The following SPG11 variants were observed in gnomAD, a reference collection of about 807,000 sequenced individuals.
SPG11 encodes SPG11 vesicle trafficking associated, spatacsin.
In SPG11, 222 loss-of-function variants were observed where a neutral mutation model predicts 274.0. The observed-to-expected ratio is 0.81, with a 90% confidence interval of 0.73 to 0.91. The LOEUF is 0.91. SPG11 is among the 40% of genes least tolerant of loss of function. The pLI is 0.00. For missense variants in SPG11, 3,114 were observed against 2,872.7 expected, an observed-to-expected ratio of 1.08 and a Z score of -1.92; for synonymous variants, 1,144 against 1,039.7, an observed-to-expected ratio of 1.10 and a Z score of -1.93.
chr15:44,654,390 C>T (rs377530545), intron 4 of SPG11, among the ~76,000 whole-genome samples: 20 of 152,254 alleles, frequency 1.3e-4, no homozygotes, highest in African/African-American at 4.3e-4. Flanking sequence ...TGCCTATAAT[C>T]CCAGCTACTT....
intron 30 of SPG11, among the ~76,000 whole-genome samples, chr15:44,575,783 C>T (rs968084740): frequency 1.3e-5 from 2 of 152,210 alleles, no homozygotes; most frequent in South Asian, 4.1e-4. Flanking sequence ...GCATGGGCCA[C>T]TGCACCCACC....
intron 7 of SPG11, 28 bp downstream of exon 7, chr15:44,648,838 A>C (rs1405452912): frequency 6.2e-7 from 1 of 1,608,700 alleles, no homozygotes; most frequent in African/African-American, 1.3e-5. Context: ...ATAATTAAGT[A>C]ATGTTCTTGG....
intron 18 of SPG11, among the ~76,000 whole-genome samples, chr15:44,609,138 C>CT (rs1014200465): frequency 2.6e-4 from 39 of 149,010 alleles, no homozygotes; most frequent in South Asian, 8.5e-4. Context: ...AAACAACATT[C>CT]TTTTTTTTTT....
At chr15:44,585,140 A>G (rs930129603) in intron 29 of SPG11, among the ~76,000 whole-genome samples, 1 of 152,132 alleles carries the variant, frequency 6.6e-6, no homozygotes, top group Admixed American at 6.6e-5. Context: ...TTTGCAGCAC[A>G]CATTTCTCAA....
Position 44,595,346 on chromosome 15 carries a change from G to A in SPG11, c.4548C>T (p.Asn1516=), listed in dbSNP as rs759489082. Residue 1516 remains asparagine, a synonymous_variant, in exon 26 of 40, where the codon AAC becomes AAT. Coordinates refer to ENST00000261866, the MANE Select transcript of SPG11 (RefSeq NM_025137.4). ...TCCAGATGACTGAAAGATCCTCAAG[G>A]TTCCAGGTATGGTCCTCTGTTGAGT... ...IQDSTEDHTW[N]LEDLSVIWRT... The A allele has an allele frequency of 1.7e-5, 27 of 1,614,212 alleles. No homozygotes were observed. The highest frequency in any genetic ancestry group is 1.8e-5 in the Non-Finnish European group (21 of 1,180,034).
At chr15:44,617,459 G>A (rs1227705756) in intron 15 of SPG11, among the ~76,000 whole-genome samples, 1 of 152,066 alleles carries the variant, frequency 6.6e-6, no homozygotes, top group Non-Finnish European at 1.5e-5. Flanking sequence ...AGTTATTCTA[G>A]CCCCATTGTC....
intron 7 of SPG11, among the ~76,000 whole-genome samples, chr15:44,645,841 AAAG>A (rs1233411601): frequency 2.0e-5 from 3 of 152,240 alleles, no homozygotes; most frequent in Non-Finnish European, 4.4e-5. Context: ...TCTCTTTTCA[AAAG>A]AAGACATACA....
rs772686591 is a variant in SPG11 at position 44,657,345 on chromosome 15, C to CT, written c.668-50dup. 95 of 1,543,292 alleles carry CT rather than the reference C, an allele frequency of 6.2e-5. 2 individuals are homozygous for CT. In the East Asian group the frequency reaches 2.0e-3, roughly 33 times the overall value. ...ATGCCAGTTTTGTAAGTATGCCTAA[C>CT]TATTTAAAGCACAGGTTGGGAAAGA... On this transcript the variant is annotated intron_variant, in intron 3 of 39. Transcript: ENST00000261866.
At chr15:44,572,977 G>GTT (rs2082454299) in intron 32 of SPG11, among the ~76,000 whole-genome samples, 157 bp from the exon 33 acceptor site, 1 of 134,136 alleles carries the variant, frequency 7.5e-6, no homozygotes, top group African/African-American at 2.8e-5. Context: ...TAGGACAGGA[G>GTT]TTCTTTTTTT....
At chr15:44,654,512 T>G (rs2084879511) in intron 4 of SPG11, among the ~76,000 whole-genome samples, 1 of 147,960 alleles carries the variant, frequency 6.8e-6, no homozygotes, top group African/African-American at 2.5e-5. Flanking sequence ...CATCTCAAAA[T>G]TAAAAAAAAA....
chr15:44,658,894 A>C (rs1308179120), intron 3 of SPG11, among the ~76,000 whole-genome samples, 185 bp downstream of exon 3: 1 of 152,234 alleles, frequency 6.6e-6, no homozygotes, highest in Non-Finnish European at 1.5e-5. Context: ...TATTCAACTA[A>C]AATATAAAGC....
chr15:44,610,929 T>A lies in SPG11; in HGVS notation c.3202A>T (p.Asn1068Tyr). 6.2e-7 allele frequency: 1 copy of A among 1,613,844 alleles called. No homozygotes were observed. The highest frequency in any genetic ancestry group is 8.5e-7 in the Non-Finnish European group (1 of 1,179,934). Residue 1068 changes from asparagine (N) to tyrosine (Y), a missense_variant, in exon 18 of 40, where the codon AAT becomes TAT. Asn to Tyr is a moderately radical substitution (Grantham distance 143). Coordinates refer to ENST00000261866, the MANE Select transcript of SPG11 (RefSeq NM_025137.4). ...LANAQILIPT[N>Y]QASVSSMLLE... ...AGCATACTGCTTACACTGGCCTGAT[T>A]GGTGGGAATCAAAATCTGAGCATTT...
rs142097614 is a variant in SPG11, at chr15:44,660,497, T to C, written c.377A>G (p.Asp126Gly). The C allele has an allele frequency of 2.1e-5, 34 of 1,614,180 alleles. No individual in the cohort carries two copies. In the African/African-American group the frequency reaches 3.5e-4, roughly 16 times the overall value. Residue 126 changes from aspartate (D) to glycine (G), a missense_variant, in exon 2 of 40, where the codon GAT (aspartate) becomes GGT (glycine). Transcript: ENST00000261866. ...ACTACAGCTATACAAAATGGTTGCA[T>C]CACATCTTCCATCTTTCAAATTAAA... ...YEFNLKDGRCDATILYSCSRE... is the reference protein window; with the variant it reads ...YEFNLKDGRCGATILYSCSRE...
rs562692344 is a variant in SPG11, at chr15:44,574,890, C to G, written c.6006+12G>C. 5.6e-5 allele frequency: 91 copies of G among 1,613,664 alleles called. No individual in the cohort carries two copies. In the South Asian group the frequency reaches 9.3e-4, roughly 17 times the overall value. Reference sequence around the variant, plus strand: ...CCTCTCAGAAAGAGGAGCCCCACCCCTTGGCACATACCTTGGCAAGATCAT... The same window carrying G: ...CCTCTCAGAAAGAGGAGCCCCACCCGTTGGCACATACCTTGGCAAGATCAT... On this transcript the variant is annotated intron_variant, in intron 31 of 39. Transcript: ENST00000261866.
intron 7 of SPG11, among the ~76,000 whole-genome samples, chr15:44,644,497 T>A (rs552501780): frequency 2.0e-5 from 3 of 152,154 alleles, no homozygotes; most frequent in Non-Finnish European, 4.4e-5. Context: ...GGAAGCACTC[T>A]CTGTGAGAAC....
At chr15:44,588,548 A>T (rs1382406734) in intron 28 of SPG11, 1 of 251,662 alleles carries the variant, frequency 4.0e-6, no homozygotes, top group Non-Finnish European at 8.2e-6. Context: ...TAAGATAGTT[A>T]TAGGAAATAA....
chr15:44,587,498 G>C (rs1327367796), intron 28 of SPG11, among the ~76,000 whole-genome samples: 2 of 152,002 alleles, frequency 1.3e-5, no homozygotes, highest in African/African-American at 4.8e-5. Flanking sequence ...GGGACTAGCT[G>C]GGCAACGTGG....
intron 8 of SPG11, among the ~76,000 whole-genome samples, chr15:44,629,823 C>A (rs1290226573): frequency 6.6e-6 from 1 of 150,964 alleles, no homozygotes; most frequent in Non-Finnish European, 1.5e-5. Context: ...ATAATCCCAA[C>A]ACTTTGGGAG....
intron 30 of SPG11, chr15:44,575,394 A>C (rs2082513937): frequency 4.6e-6 from 1 of 218,750 alleles, no homozygotes; most frequent in Non-Finnish European, 9.5e-6. Context: ...ACATCTCTCC[A>C]GTTGTGGCCT....
Sources: gnomAD v4.1 joint callset for allele counts (sites outside exome capture counted in the v4.1 genomes callset) on GRCh38, gnomAD v4.1.1 for gene constraint, MANE v1.5 for transcripts, NCBI Gene and HGNC (gene_info 2026-07-23, HGNC 2026-07-21) for gene names.